Variants in SASH1 observed in about 807,000 individuals in gnomAD.
SASH1 encodes SAM and SH3 domain containing 1.
Under a neutral mutation model 125.2 loss-of-function variants are expected in SASH1, and 44 were observed. The observed-to-expected ratio is 0.35, with a 90% CI of 0.28 to 0.45. The LOEUF (loss-of-function observed/expected upper bound fraction) is 0.45. Ranked by LOEUF, SASH1 falls within the 20% of genes least tolerant of loss-of-function variation. The pLI is 1.00. For missense variants in SASH1, 1,426 were observed against 1,614.5 expected (o/e 0.88, Z 2.00); for synonymous variants, 639 against 649.1 (o/e 0.98, Z 0.24).
chr6:148,314,503 G>A (rs767049885), intron 1 of SASH1, among the ~76,000 whole-genome samples: 15 of 152,102 alleles, frequency 9.9e-5, no homozygotes, highest in African/African-American at 2.7e-4. Flanking sequence ...TACTGAGCCC[G>A]CTGAATGCAT....
intron 8 of SASH1, among the ~76,000 whole-genome samples, chr6:148,507,602 C>A (rs567358961): frequency 6.6e-6 from 1 of 152,294 alleles, no homozygotes; most frequent in African/African-American, 2.4e-5. Flanking sequence ...AACTCCTGGC[C>A]TCAAGTGATC....
intron 1 of SASH1, among the ~76,000 whole-genome samples, chr6:148,326,414 C>CTTTTCTTTTCT (rs57839850): frequency 1.2e-5 from 1 of 83,978 alleles, no homozygotes; most frequent in East Asian, 4.0e-4. Context: ...CTTTTCTTTT[C>CTTTTCTTTTCT]TTTTTTTTGA....
At position 148,491,047 on chromosome 6, in the gene SASH1, G is replaced by A. The variant is rs191902069; in HGVS notation, c.729+3332G>A. On this transcript the variant is annotated intron_variant, in intron 8 of 19. Transcript: ENST00000367467. ...CTTGCTCTCTGAAACTTTCCTTCCC[G>A]TCCTCAAGCGTATTTATTGCTACCT... 2.4e-3 allele frequency among the ~76,000 whole-genome samples: 368 copies of A among 152,152 alleles called. 1 individual carries two copies. The highest frequency in any genetic ancestry group is 8.5e-3 in the African/African-American group (354 of 41,492).
chr6:148,284,027 T>C (rs1305620799), intron 1 of SASH1, among the ~76,000 whole-genome samples: 1 of 152,236 alleles, frequency 6.6e-6, no homozygotes, highest in East Asian at 1.9e-4. Flanking sequence ...GAATAGCACA[T>C]TATCCACTTC....
intron 1 of SASH1, among the ~76,000 whole-genome samples, chr6:148,347,055 A>G (rs1781546029): frequency 6.6e-6 from 1 of 152,116 alleles, no homozygotes; most frequent in Non-Finnish European, 1.5e-5. Context: ...AGGGGAGGGA[A>G]GTTGTTTTTA....
At chr6:148,281,933 AGG>A (rs1375926511) in intron 1 of SASH1, among the ~76,000 whole-genome samples, 6 of 140,378 alleles carry the variant, frequency 4.3e-5, no homozygotes, top group Non-Finnish European at 9.4e-5. Flanking sequence ...AAAAAAAAAA[AGG>A]AAAAAGAAAA....
At chr6:148,463,743 C>T (rs1460953206) in intron 4 of SASH1, among the ~76,000 whole-genome samples, 6 of 152,200 alleles carry the variant, frequency 3.9e-5, no homozygotes, top group East Asian at 3.8e-4. Context: ...TAATAAGCAC[C>T]GCACACTTAG....
intron 8 of SASH1, chr6:148,513,626 A>T: frequency 1.0e-6 from 1 of 985,680 alleles, no homozygotes; most frequent in Non-Finnish European, 1.2e-6. Flanking sequence ...CTCCCTGCAA[A>T]GTGCAATGGG....
the SASH1 span, among the ~76,000 whole-genome samples, chr6:148,207,941 C>T: frequency 6.6e-6 from 1 of 152,176 alleles, no homozygotes; most frequent in Non-Finnish European, 1.5e-5. Context: ...AAACCTGGCG[C>T]TCTCTCATCA....
At chr6:148,331,911 C>T (rs2114603653) in intron 1 of SASH1, among the ~76,000 whole-genome samples, 1 of 152,082 alleles carries the variant, frequency 6.6e-6, no homozygotes, top group African/African-American at 2.4e-5. Flanking sequence ...CTGGAACTCC[C>T]AGGCTCAAGT....
intron 1 of SASH1, among the ~76,000 whole-genome samples, chr6:148,272,761 C>T (rs551817391): frequency 4.6e-5 from 7 of 152,276 alleles, no homozygotes; most frequent in African/African-American, 9.6e-5. Flanking sequence ...TTTGCACACA[C>T]GCTAAGAATG....
intron 2 of SASH1, among the ~76,000 whole-genome samples, chr6:148,418,424 A>ATTT (rs1330118536): frequency 1.3e-5 from 2 of 152,138 alleles, no homozygotes; most frequent in African/African-American, 4.8e-5. Context: ...TTCCGTGAAC[A>ATTT]TGTTTCTGTC....
rs763520597 is a variant in SASH1, at chr6:148,474,149, G to A, written c.554G>A (p.Ser185Asn). ...VGYVASEITM[S>N]DEERIQLMMM... ...TATGTTGCCAGTGAAATAACGATGA[G>A]CGATGAGGAGCGGATTCAGCTAATG... is the stretch of plus-strand genomic sequence containing the variant. Residue 185 changes from serine (S) to asparagine (N), a missense_variant, in exon 7 of 20, where the codon AGC (serine) becomes AAC (asparagine). Ser to Asn is a conservative substitution (Grantham distance 46, BLOSUM62 1). Coordinates refer to ENST00000367467, the MANE Select transcript of SASH1 (RefSeq NM_015278.5). 27 of 1,611,972 alleles carry A rather than the reference G, an allele frequency of 1.7e-5. No individual in the cohort carries two copies. Among genetic ancestry groups the A allele is most frequent in the Non-Finnish European group, 2.3e-5 (27 of 1,179,134 alleles).
chr6:148,210,485 A>T, the SASH1 span, among the ~76,000 whole-genome samples: 2 of 152,218 alleles, frequency 1.3e-5, no homozygotes, highest in Non-Finnish European at 2.9e-5. Context: ...GTGAGCCAAG[A>T]TCGCGCCATT....
chr6:148,302,708 A>G (rs918538768), intron 1 of SASH1, among the ~76,000 whole-genome samples: 4 of 142,080 alleles, frequency 2.8e-5, no homozygotes, highest in African/African-American at 1.0e-4. Context: ...CACACTGTGT[A>G]TATATATATA....
the SASH1 span, among the ~76,000 whole-genome samples, chr6:148,237,330 C>G: frequency 6.6e-6 from 1 of 152,140 alleles, no homozygotes; most frequent in Non-Finnish European, 1.5e-5. Flanking sequence ...CTATAATATT[C>G]TTCCTTGTTC....
chr6:148,298,037 C>T (rs1377968207), intron 1 of SASH1, among the ~76,000 whole-genome samples: 2 of 150,252 alleles, frequency 1.3e-5, no homozygotes, highest in Admixed American at 6.7e-5. Flanking sequence ...GATGGAGTCT[C>T]GCTCTGTCGC....
intron 1 of SASH1, among the ~76,000 whole-genome samples, chr6:148,386,350 T>C (rs1187569264): frequency 6.6e-6 from 1 of 152,206 alleles, no homozygotes; most frequent in Non-Finnish European, 1.5e-5. Flanking sequence ...ATAAATAGTT[T>C]TTTTCCCAGT....
the SASH1 span, among the ~76,000 whole-genome samples, chr6:148,235,157 T>G: frequency 6.6e-6 from 1 of 152,160 alleles, no homozygotes; most frequent in Non-Finnish European, 1.5e-5. Context: ...GGTAATCACA[T>G]AACCAAACCC....
Sources: gnomAD v4.1 joint callset for allele counts (sites outside exome capture counted in the v4.1 genomes callset) on GRCh38, gnomAD v4.1.1 for gene constraint, MANE v1.5 for transcripts, NCBI Gene and HGNC (gene_info 2026-07-23, HGNC 2026-07-21) for gene names.